AUTS2: variants seen among roughly 807,000 people sequenced by gnomAD.
AUTS2 encodes the protein activator of transcription and developmental regulator AUTS2.
AUTS2 carries 17 observed loss-of-function variants against 112.4 expected under a neutral mutation model. That is an observed-to-expected ratio of 0.15 (90% CI 0.10 to 0.23). The LOEUF is 0.23. Among genes scored for constraint, AUTS2 ranks in the 10% least tolerant of loss-of-function variants. The pLI, the probability that AUTS2 is intolerant of heterozygous loss-of-function variation, is 1.00. For synonymous variants in AUTS2, 751 were observed against 702.7 expected (o/e 1.07, Z -1.09); for missense variants, 1,510 against 1,701.6 (o/e 0.89, Z 1.98).
At chr7:70,195,458 C>T (rs1333614442) in intron 4 of AUTS2, among the ~76,000 whole-genome samples, 1 of 152,034 alleles carries the variant, frequency 6.6e-6, no homozygotes, top group Non-Finnish European at 1.5e-5. Context: ...ACCAGCCTGG[C>T]CAACATGGTG....
intron 4 of AUTS2, among the ~76,000 whole-genome samples, chr7:70,352,934 G>T (rs1159769691): frequency 1.3e-5 from 2 of 152,262 alleles, no homozygotes; most frequent in South Asian, 2.1e-4. Context: ...GAAGCTCCTT[G>T]TTGGCAAAGA....
chr7:70,512,426 A>C (rs376431787), intron 5 of AUTS2, among the ~76,000 whole-genome samples: 1 of 152,150 alleles, frequency 6.6e-6, no homozygotes, highest in East Asian at 1.9e-4. Context: ...TATAAAAATT[A>C]CCCGGGGGCC....
intron 1 of AUTS2, among the ~76,000 whole-genome samples, chr7:69,670,555 CAAAAAAAAAAAAAAAAAAAAAAA>C (rs200373158): frequency 3.3e-4 from 39 of 119,060 alleles, no homozygotes; most frequent in Admixed American, 4.4e-4. Flanking sequence ...CTTGATCCCT[CAAAAAAAAAAAAAAAAAAAAAAA>C]AAAAAAAAAA....
chr7:70,469,304 G>A (rs1230596997), intron 5 of AUTS2, among the ~76,000 whole-genome samples: 1 of 152,204 alleles, frequency 6.6e-6, no homozygotes, highest in Admixed American at 6.5e-5. Flanking sequence ...TAAGAGCAAG[G>A]TGTGAGGGGG....
At chr7:69,704,309 A>T (rs1479428970) in intron 1 of AUTS2, among the ~76,000 whole-genome samples, 5 of 149,948 alleles carry the variant, frequency 3.3e-5, no homozygotes, top group Non-Finnish European at 7.4e-5. Flanking sequence ...ACGGAGTCTC[A>T]CTCTGTCGCC....
chr7:70,576,042 T>C (rs1802149984), intron 5 of AUTS2, among the ~76,000 whole-genome samples: 3 of 152,196 alleles, frequency 2.0e-5, no homozygotes, highest in African/African-American at 7.2e-5. Flanking sequence ...CTTCTGTTAG[T>C]TGGGTTTCCA....
At chr7:70,207,534 A>G (rs1810631187) in intron 4 of AUTS2, among the ~76,000 whole-genome samples, 2 of 152,202 alleles carry the variant, frequency 1.3e-5, no homozygotes, top group South Asian at 4.1e-4. Context: ...ACCATTGAGG[A>G]TTCAAATTCT....
intron 2 of AUTS2, among the ~76,000 whole-genome samples, chr7:70,041,711 C>T (rs1205747254): frequency 1.3e-5 from 2 of 152,084 alleles, no homozygotes; most frequent in Non-Finnish European, 2.9e-5. Context: ...CTTATCTGAG[C>T]CTTTTCTGCC....
chr7:70,615,340 T>C (rs1349481845), intron 5 of AUTS2, among the ~76,000 whole-genome samples: 1 of 152,134 alleles, frequency 6.6e-6, no homozygotes, highest in African/African-American at 2.4e-5. Context: ...GGATCCTTGC[T>C]CAGGTGGACC....
At chr7:70,401,111 G>C in intron 4 of AUTS2, among the ~76,000 whole-genome samples, 1 of 152,200 alleles carries the variant, frequency 6.6e-6, no homozygotes, top group Non-Finnish European at 1.5e-5. Flanking sequence ...AATTTGATGG[G>C]GAATGTGAGG....
intron 5 of AUTS2, among the ~76,000 whole-genome samples, chr7:70,608,363 C>A (rs10248452): frequency 0.022 from 3,408 of 152,212 alleles, 136 homozygotes; most frequent in African/African-American, 0.078. Context: ...CCCTGGACTC[C>A]CAAAGTGCTG....
intron 4 of AUTS2, among the ~76,000 whole-genome samples, chr7:70,237,959 A>G (rs985382021): frequency 1.3e-5 from 2 of 152,228 alleles, no homozygotes; most frequent in African/African-American, 4.8e-5. Context: ...CCCAGCATGC[A>G]GTAACAGCTA....
At chr7:70,118,418 C>A in intron 3 of AUTS2, 185 bp downstream of exon 3, 1 of 710,436 alleles carries the variant, frequency 1.4e-6, no homozygotes, top group South Asian at 4.3e-5. Flanking sequence ...TGGTGTCATT[C>A]TAAAATGTCG....
At chr7:69,891,206 G>A (rs563272777) in intron 1 of AUTS2, among the ~76,000 whole-genome samples, 1 of 152,198 alleles carries the variant, frequency 6.6e-6, no homozygotes, top group South Asian at 2.1e-4. Flanking sequence ...TATTTCCTAG[G>A]ATTTTATATA....
intron 4 of AUTS2, among the ~76,000 whole-genome samples, chr7:70,356,868 A>C (rs1267600797): frequency 6.6e-6 from 1 of 152,162 alleles, no homozygotes; most frequent in East Asian, 1.9e-4. Flanking sequence ...TCTAGTAAAA[A>C]TTTGTGTAGG....
intron 5 of AUTS2, among the ~76,000 whole-genome samples, chr7:70,559,337 C>CA (rs1554429698): frequency 6.9e-6 from 1 of 145,042 alleles, no homozygotes; most frequent in African/African-American, 2.5e-5. Flanking sequence ...TCCTTTCTTT[C>CA]TTTTTTTTTT....
At chr7:69,859,298 G>C (rs1430905046) in intron 1 of AUTS2, among the ~76,000 whole-genome samples, 4 of 152,282 alleles carry the variant, frequency 2.6e-5, no homozygotes, top group African/African-American at 7.2e-5. Flanking sequence ...TGAATAGATG[G>C]TATATGTAAG....
chr7:69,687,159 T>C (rs1412423187), intron 1 of AUTS2, among the ~76,000 whole-genome samples: 2 of 152,194 alleles, frequency 1.3e-5, no homozygotes, highest in Non-Finnish European at 2.9e-5. Context: ...ATGCTGTAAA[T>C]ATGCACCACT....
At chr7:69,681,748 T>C (rs1796807888) in intron 1 of AUTS2, among the ~76,000 whole-genome samples, 2 of 152,268 alleles carry the variant, frequency 1.3e-5, no homozygotes, top group African/African-American at 4.8e-5. Context: ...CTAAAAAATA[T>C]ACTGTGTGTA....
Sources: gnomAD v4.1 joint callset for allele counts (sites outside exome capture counted in the v4.1 genomes callset) on GRCh38, gnomAD v4.1.1 for gene constraint, MANE v1.5 for transcripts, NCBI Gene and HGNC (gene_info 2026-07-23, HGNC 2026-07-21) for gene names.